Variants in HSD17B11 observed in about 807,000 individuals in gnomAD.
HSD17B11 encodes the protein hydroxysteroid 17-beta dehydrogenase 11.
A neutral mutation model predicts 27.8 loss-of-function variants in HSD17B11; 22 were observed. The observed-to-expected ratio is 0.79, with a 90% CI of 0.56 to 1.13. HSD17B11 has a LOEUF of 1.13. HSD17B11 is among the 50% of genes most tolerant of loss of function. The pLI is 0.00. For missense variants in HSD17B11, 314 were observed against 351.1 expected, an observed-to-expected ratio of 0.89 and a Z score of 0.84; for synonymous variants, 117 against 132.8, an observed-to-expected ratio of 0.88 and a Z score of 0.82.
At chr4:87,371,716 A>G (rs1735718824) in intron 4 of HSD17B11, among the ~76,000 whole-genome samples, 1 of 152,234 alleles carries the variant, frequency 6.6e-6, no homozygotes, top group Non-Finnish European at 1.5e-5. Flanking sequence ...TGAAAGTCCT[A>G]TCATTGATCA....
In HSD17B11 at chr4:87,357,317, A is replaced by G. The variant is rs1735406463; in HGVS notation, c.657T>C (p.Asn219=). The change falls in exon 5 of 7, where the codon AAT becomes AAC. Residue 219 remains asparagine (N), a synonymous_variant. Transcript: ENST00000358290. ...TTTTGATGAAGCCAGTGTTTACGAAATTAGGACACAGACATGTTGTTTTGA... is the reference window on the plus strand; with the variant it reads ...TTTTGATGAAGCCAGTGTTTACGAAGTTAGGACACAGACATGTTGTTTTGA... ...TGVKTTCLCP[N]FVNTGFIKNP... 1 of 1,612,318 alleles carries G rather than the reference A, an allele frequency of 6.2e-7. No homozygotes were observed. The highest frequency in any genetic ancestry group is 1.3e-5 in the African/African-American group (1 of 74,866).
At chr4:87,379,870 C>T (rs1720086238) in intron 2 of HSD17B11, among the ~76,000 whole-genome samples, 1 of 138,100 alleles carries the variant, frequency 7.2e-6, no homozygotes. Flanking sequence ...ATGTATTATA[C>T]TATTAATTAT....
intron 2 of HSD17B11, among the ~76,000 whole-genome samples, chr4:87,379,281 A>G (rs1381133073): frequency 1.3e-5 from 2 of 150,460 alleles, no homozygotes; most frequent in African/African-American, 4.9e-5. Context: ...TTCTAGGCAT[A>G]AGCCACGCTC....
chr4:87,364,283 A>G (rs1457664161), intron 4 of HSD17B11, among the ~76,000 whole-genome samples: 2 of 151,674 alleles, frequency 1.3e-5, no homozygotes, highest in Admixed American at 6.6e-5. Context: ...AAAAAAAAAA[A>G]AAAGAAAAAA....
intron 4 of HSD17B11, among the ~76,000 whole-genome samples, chr4:87,362,327 A>C (rs1735532395): frequency 6.6e-6 from 1 of 152,204 alleles, no homozygotes; most frequent in South Asian, 2.1e-4. Flanking sequence ...GGAGTTCGAG[A>C]CCAGCTTGGC....
chr4:87,391,129 CTT>C lies in HSD17B11; in HGVS notation c.-61_-60del. The stretch of plus-strand genomic sequence containing the variant: ...TTTTTTTTTTTACCACTCTAAACTG[CTT>C]TTAGAGGGTAGCTCGATCTAACACC... On this transcript the variant is annotated 5_prime_UTR_variant, in exon 1 of 7. Transcript: ENST00000358290. 7.8e-7 allele frequency: 1 copy of C among 1,286,976 alleles called. No individual in the cohort carries two copies. The highest frequency in any genetic ancestry group is 1.3e-5 in the South Asian group (1 of 76,006). The allele number at this position is 1,286,976 out of a possible 1,614,324, so 79.7% of individuals were successfully genotyped here.
chr4:87,372,540 C>A (rs1735738154), intron 4 of HSD17B11, among the ~76,000 whole-genome samples, 169 bp downstream of exon 4: 1 of 152,230 alleles, frequency 6.6e-6, no homozygotes, highest in South Asian at 2.1e-4. Flanking sequence ...TGCTGTTAGA[C>A]AAGAGACTTT....
intron 4 of HSD17B11, among the ~76,000 whole-genome samples, chr4:87,368,407 T>G (rs988056607): frequency 6.6e-6 from 1 of 152,136 alleles, no homozygotes; most frequent in Non-Finnish European, 1.5e-5. Context: ...CTCTCTACCC[T>G]GAACACAAGA....
intron 2 of HSD17B11, among the ~76,000 whole-genome samples, chr4:87,375,300 T>C (rs1054352847): frequency 3.3e-5 from 5 of 152,248 alleles, no homozygotes; most frequent in African/African-American, 1.2e-4. Flanking sequence ...TATGCACTTA[T>C]GTCCAAAATA....
At chr4:87,382,105 G>A (rs1240847476) in intron 2 of HSD17B11, 150 bp downstream of exon 2, 4 of 577,648 alleles carry the variant, frequency 6.9e-6, no homozygotes, top group Non-Finnish European at 1.2e-5. Flanking sequence ...CTCGGTTCTA[G>A]TTTTGGGTTT....
Position 87,390,861 on chromosome 4 carries a change from C to T in HSD17B11, c.210G>A (p.Lys70=). The change falls in exon 1 of 7, where the codon AAG becomes AAA. Residue 70 remains lysine, a splice_region_variant and synonymous_variant. Coordinates refer to ENST00000358290, the MANE Select transcript of HSD17B11 (RefSeq NM_016245.5). ...AGTAAAACATAGTAAACACTGTTAC[C>T]TTATTTATATCCCAGAGAACCAGCT... The part of the protein sequence containing the change: ...KSKLVLWDIN[K]HGLEETAAKC... 2 of 1,613,148 alleles carry T rather than the reference C, an allele frequency of 1.2e-6. No homozygotes were observed. The highest frequency in any genetic ancestry group is 1.7e-6 in the Non-Finnish European group (2 of 1,179,162).
Position 87,391,099 on chromosome 4 carries a change from G to GTTTTT in HSD17B11, c.-34_-30dup. On this transcript the variant is annotated 5_prime_UTR_variant, in exon 1 of 7. Coordinates refer to ENST00000358290, the MANE Select transcript of HSD17B11 (RefSeq NM_016245.5). ...TTTTGTGGCTGCGAGCGTTTGGTGT[G>GTTTTT]TTTTTTTTTTTTTTTACCACTCTAA... 3.1e-6 allele frequency: 4 copies of GTTTTT among 1,291,332 alleles called. No homozygotes were observed. Among genetic ancestry groups the GTTTTT allele is most frequent in the African/African-American group, 1.6e-5 (1 of 64,212 alleles). The allele number at this position is 1,291,332 out of a possible 1,614,324, so 80.0% of individuals were successfully genotyped here.
chr4:87,367,202 C>G (rs1490672267), intron 4 of HSD17B11, among the ~76,000 whole-genome samples: 1 of 152,182 alleles, frequency 6.6e-6, no homozygotes, highest in Non-Finnish European at 1.5e-5. Flanking sequence ...TTTACCAAGG[C>G]TTTGACTGGA....
chr4:87,355,218 G>A (rs924940222), intron 5 of HSD17B11, among the ~76,000 whole-genome samples: 1 of 152,066 alleles, frequency 6.6e-6, no homozygotes, highest in Non-Finnish European at 1.5e-5. Context: ...TAATATCAGT[G>A]AGGAAAATGA....
rs552184233 is a variant in HSD17B11, at chr4:87,372,192, G to A, written c.557+517C>T. On this transcript the variant is annotated intron_variant, in intron 4 of 6. Coordinates refer to ENST00000358290, the MANE Select transcript of HSD17B11 (RefSeq NM_016245.5). Reference sequence around the variant, plus strand: ...CAGGAGGCGGAGCTTGCAGTGAGCCGAGATTGCGCCACTGCACTCCAGCCT... The same window carrying A: ...CAGGAGGCGGAGCTTGCAGTGAGCCAAGATTGCGCCACTGCACTCCAGCCT... 9.1e-4 allele frequency among the ~76,000 whole-genome samples: 132 copies of A among 145,640 alleles called. 2 individuals are homozygous for A. The South Asian group carries it at 0.027, about 30-fold the overall frequency.
chr4:87,378,915 TATAAATATATATAAATATATA>T, intron 2 of HSD17B11, among the ~76,000 whole-genome samples: 1 of 14,120 alleles, frequency 7.1e-5, no homozygotes, highest in East Asian at 2.2e-3. Context: ...AATATATATA[TATAAATATATATAAATATATA>T]TATATATATA....
chr4:87,340,633 C>T (rs1735149591), intron 5 of HSD17B11, 27 bp from the exon 6 acceptor site: 1 of 1,445,476 alleles, frequency 6.9e-7, no homozygotes, highest in Non-Finnish European at 9.7e-7. Context: ...TCTTCAGAAA[C>T]AAAATACTTC....
intron 1 of HSD17B11, among the ~76,000 whole-genome samples, chr4:87,384,367 C>G (rs1720250293): frequency 1.3e-5 from 2 of 152,006 alleles, no homozygotes; most frequent in Non-Finnish European, 2.9e-5. Flanking sequence ...AATCAGTGCA[C>G]CTTGAAAAAG....
At chr4:87,347,116 C>CTTTTTTTTTTTTTTTT (rs70957224) in intron 5 of HSD17B11, among the ~76,000 whole-genome samples, 9 of 44,316 alleles carry the variant, frequency 2.0e-4, no homozygotes, top group Non-Finnish European at 2.1e-4. Flanking sequence ...TTTTTTTTTT[C>CTTTTTTTTTTTTTTTT]TTTTTTTTTT....
Sources: allele counts gnomAD v4.1 joint callset (sites outside exome capture counted in the v4.1 genomes callset), GRCh38; gene constraint gnomAD v4.1.1; transcripts MANE v1.5; gene names NCBI Gene and HGNC (gene_info 2026-07-23, HGNC 2026-07-21).